The following RABGEF1 variants were observed in gnomAD, a reference collection of about 807,000 sequenced individuals.
The protein encoded by RABGEF1 is RAB guanine nucleotide exchange factor 1.
In RABGEF1, 26 loss-of-function variants were observed where a neutral mutation model predicts 57.3. The ratio of observed to expected loss-of-function variants is 0.45; its 90% CI spans 0.33 to 0.63. RABGEF1 has a LOEUF of 0.63. RABGEF1 is among the 20% of genes least tolerant of loss of function. The probability of loss-of-function intolerance (pLI) is 0.02; values close to 1 mark genes in which losing one functional copy is unlikely to be tolerated. For missense variants in RABGEF1, 464 were observed against 607.6 expected, an observed-to-expected ratio of 0.76 and a Z score of 2.48; for synonymous variants, 185 against 210.7, an observed-to-expected ratio of 0.88 and a Z score of 1.06.
chr7:66,722,492 A>G (rs1464325086), intron 2 of RABGEF1, among the ~76,000 whole-genome samples: 1 of 152,218 alleles, frequency 6.6e-6, no homozygotes, highest in African/African-American at 2.4e-5. Context: ...ACAAAGGAAA[A>G]AAGAAATACA....
intron 1 of RABGEF1, among the ~76,000 whole-genome samples, chr7:66,692,288 C>T (rs924000224): frequency 1.3e-5 from 2 of 152,118 alleles, no homozygotes; most frequent in Admixed American, 6.6e-5. Context: ...ATTAGCGGAC[C>T]CTTTCTTTGT....
In RABGEF1 at chr7:66,686,357, A is replaced by G. The variant is rs576135308; in HGVS notation, c.-873+4099A>G. Among the ~76,000 whole-genome samples the G allele has an allele frequency of 1.2e-3, 183 of 151,928 alleles. 1 individual carries two copies. Among genetic ancestry groups the G allele is most frequent in the Non-Finnish European group, 1.9e-3 (129 of 67,994 alleles). On this transcript the variant is annotated intron_variant and NMD_transcript_variant, in intron 1 of 9. Coordinates refer to the RABGEF1 transcript ENST00000607882. ...TGCAGTGGCTTATGCCTATAATACC[A>G]GTGCTTTCGGAGGCCAAAGTGGGAG...
At chr7:66,735,862 T>C (rs1456075968), upstream of RABGEF1, among the ~76,000 whole-genome samples, 4 of 152,188 alleles carry the variant, frequency 2.6e-5, no homozygotes, top group Non-Finnish European at 5.9e-5. Context: ...GGCATTTCTT[T>C]ATAGCAGTGC....
At chr7:66,683,659 G>T (rs1324934960) in intron 1 of RABGEF1, among the ~76,000 whole-genome samples, 5 of 152,166 alleles carry the variant, frequency 3.3e-5, no homozygotes, top group South Asian at 2.1e-4. Context: ...GTAACATTCA[G>T]ACTAACAGGG....
chr7:66,771,696 A>G (rs1423749818), intron 1 of RABGEF1, among the ~76,000 whole-genome samples, 187 bp from the exon 2 acceptor site: 1 of 151,920 alleles, frequency 6.6e-6, no homozygotes, highest in Non-Finnish European at 1.5e-5. Flanking sequence ...TGGCTGTGTC[A>G]GGAATTTACT....
rs563736011 is a variant in RABGEF1 at position 66,749,746 on chromosome 7, C to T, written c.-18+8954C>T. ...CAGCACTTTGGGAGGCCAAGGCGGG[C>T]GGATCACGAGGTCAGGAGATAGAGA... On this transcript the variant is annotated intron_variant, in intron 1 of 8. Transcript: ENST00000284957. 7.9e-5 allele frequency among the ~76,000 whole-genome samples: 12 copies of T among 152,136 alleles called. No individual in the cohort carries two copies. The South Asian group carries it at 1.7e-3, about 21-fold the overall frequency.
At chr7:66,725,911 G>C (rs968108051) in intron 2 of RABGEF1, among the ~76,000 whole-genome samples, 1 of 152,246 alleles carries the variant, frequency 6.6e-6, no homozygotes, top group African/African-American at 2.4e-5. Context: ...GGGGGAAGCT[G>C]TGACCCTTTC....
intron 2 of RABGEF1, among the ~76,000 whole-genome samples, chr7:66,718,021 A>G (rs568249117): frequency 6.6e-5 from 10 of 152,236 alleles, no homozygotes; most frequent in South Asian, 4.1e-4. Flanking sequence ...GAGGGTTTCT[A>G]TCATTCCATT....
In RABGEF1 at chr7:66,795,516, A is replaced by G. The variant is rs753260239; in HGVS notation, c.519A>G (p.Leu173=). Residue 173 remains leucine, a synonymous_variant, in exon 5 of 9, where the codon CTA becomes CTG. Transcript: ENST00000284957. ...FLEGMHYKRD[L]SIEEQSECAQ... ...TCTTTGTCTCTCTGTTTCAGGATCT[A>G]AGCATTGAAGAACAGTCAGAGTGTG... The G allele has an allele frequency of 6.2e-7, 1 of 1,607,894 alleles. No individual in the cohort carries two copies. Among genetic ancestry groups the G allele is most frequent in the South Asian group, 1.1e-5 (1 of 90,924 alleles).
At chr7:66,787,379 T>C (rs951065254) in intron 4 of RABGEF1, among the ~76,000 whole-genome samples, 4 of 146,708 alleles carry the variant, frequency 2.7e-5, no homozygotes, top group African/African-American at 1.0e-4. Flanking sequence ...AGTCTTGCTC[T>C]GTTGCCCAGG....
At chr7:66,711,405 A>AT (rs202115107) in intron 1 of RABGEF1, among the ~76,000 whole-genome samples, 1,923 of 138,222 alleles carry the variant, frequency 0.014, 25 homozygotes, top group Middle Eastern at 0.037. Flanking sequence ...TTTTGTGCTA[A>AT]TTTTTTTTTT....
chr7:66,774,540 A>C (rs1808036470), intron 2 of RABGEF1, among the ~76,000 whole-genome samples: 1 of 152,178 alleles, frequency 6.6e-6, no homozygotes, highest in Non-Finnish European at 1.5e-5. Context: ...TGTGAAGCAA[A>C]CCACAGGCTT....
At chr7:66,734,249 C>T (rs561325024) in intron 2 of RABGEF1, among the ~76,000 whole-genome samples, 245 of 152,252 alleles carry the variant, frequency 1.6e-3, no homozygotes, top group Middle Eastern at 0.01. Context: ...CACGGGTTAT[C>T]GGTGTCTGAT....
At chr7:66,723,355 G>C (rs1414655599) in intron 2 of RABGEF1, among the ~76,000 whole-genome samples, 1 of 152,096 alleles carries the variant, frequency 6.6e-6, no homozygotes, top group Non-Finnish European at 1.5e-5. Context: ...CTATTTGTGT[G>C]TGCGATTATC....
chr7:66,788,667 T>A (rs1811820154), intron 4 of RABGEF1, among the ~76,000 whole-genome samples: 1 of 152,196 alleles, frequency 6.6e-6, no homozygotes, highest in Admixed American at 6.5e-5. Flanking sequence ...TTGTTATTTT[T>A]CTAGCCAGTC....
chr7:66,752,969 A>G (rs1801778272), intron 1 of RABGEF1, among the ~76,000 whole-genome samples: 1 of 152,184 alleles, frequency 6.6e-6, no homozygotes, highest in South Asian at 2.1e-4. Flanking sequence ...TCTATTGAGC[A>G]CCTCCTCAGT....
chr7:66,678,340 C>T (rs1430479705), upstream of RABGEF1, among the ~76,000 whole-genome samples: 1 of 151,714 alleles, frequency 6.6e-6, no homozygotes, highest in Non-Finnish European at 1.5e-5. Flanking sequence ...CCGAGGTGGG[C>T]GGATCACGAG....
chr7:66,777,011 G>A (rs2129127231), intron 3 of RABGEF1, among the ~76,000 whole-genome samples: 1 of 152,302 alleles, frequency 6.6e-6, no homozygotes, highest in East Asian at 1.9e-4. Context: ...GGCACGTGAT[G>A]AGGATTCAGT....
At chr7:66,707,142 A>G (rs190936091) in intron 1 of RABGEF1, among the ~76,000 whole-genome samples, 211 of 152,290 alleles carry the variant, frequency 1.4e-3, no homozygotes, top group Admixed American at 3.5e-3. Flanking sequence ...GAGTTTTCCA[A>G]ATATCTTTGT....
Sources: gnomAD v4.1 joint callset for allele counts (sites outside exome capture counted in the v4.1 genomes callset) on GRCh38, gnomAD v4.1.1 for gene constraint, MANE v1.5 for transcripts, NCBI Gene and HGNC (gene_info 2026-07-23, HGNC 2026-07-21) for gene names.